Variants in CCSER1 observed in about 807,000 individuals in gnomAD.
The protein encoded by CCSER1 is coiled-coil serine rich protein 1.
A neutral mutation model predicts 82.0 loss-of-function variants in CCSER1; 41 were observed. The observed-to-expected ratio is 0.50, with a 90% CI of 0.39 to 0.65. The LOEUF (loss-of-function observed/expected upper bound fraction) is 0.65. Among genes scored for constraint, CCSER1 ranks in the 30% least tolerant of loss-of-function variants. The pLI is 0.00. For synonymous variants in CCSER1, 414 were observed against 383.9 expected, an observed-to-expected ratio of 1.08 and a Z score of -0.92; for missense variants, 1,119 against 1,064.2, an observed-to-expected ratio of 1.05 and a Z score of -0.72.
At chr4:91,100,259 C>T (rs1037789777) in intron 10 of CCSER1, among the ~76,000 whole-genome samples, 4 of 151,978 alleles carry the variant, frequency 2.6e-5, no homozygotes, top group Admixed American at 2.6e-4. Context: ...ATTACAAGAC[C>T]ATAATAATTG....
chr4:91,483,897 TAG>T (rs1228612604), intron 10 of CCSER1, among the ~76,000 whole-genome samples: 1 of 152,154 alleles, frequency 6.6e-6, no homozygotes, highest in Non-Finnish European at 1.5e-5. Flanking sequence ...TTTAAATGAA[TAG>T]AGTTGCTTTC....
intron 10 of CCSER1, among the ~76,000 whole-genome samples, chr4:91,596,714 T>A (rs992706286): frequency 6.6e-6 from 1 of 152,098 alleles, no homozygotes; most frequent in Non-Finnish European, 1.5e-5. Context: ...AGTCTTACAA[T>A]GTTTCCTTTC....
At chr4:90,276,251 T>TTTCTTTCTTCCCTTCC (rs1727659770) in intron 1 of CCSER1, among the ~76,000 whole-genome samples, 23 of 76,826 alleles carry the variant, frequency 3.0e-4, no homozygotes, top group African/African-American at 1.2e-3. Flanking sequence ...TCTTTCTTTC[T>TTTCTTTCTTCCCTTCC]TTCCTTCCTT....
At chr4:90,415,871 C>T (rs1246134655) in intron 4 of CCSER1, among the ~76,000 whole-genome samples, 2 of 152,122 alleles carry the variant, frequency 1.3e-5, no homozygotes, top group East Asian at 3.8e-4. Flanking sequence ...TTTAGTGTTA[C>T]CCATTTGGAG....
At chr4:90,667,718 A>G (rs569104025) in intron 6 of CCSER1, among the ~76,000 whole-genome samples, 1 of 152,224 alleles carries the variant, frequency 6.6e-6, no homozygotes, top group East Asian at 1.9e-4. Context: ...TATATGTGCC[A>G]CGTTTTCTTT....
At chr4:91,140,776 T>A (rs10004825) in intron 10 of CCSER1, among the ~76,000 whole-genome samples, 1 of 151,882 alleles carries the variant, frequency 6.6e-6, no homozygotes, top group Non-Finnish European at 1.5e-5. Context: ...GACATCTGAT[T>A]CAGTTTTCTT....
intron 8 of CCSER1, among the ~76,000 whole-genome samples, chr4:90,849,790 T>TAAA (rs750879193): frequency 2.7e-4 from 21 of 76,708 alleles, no homozygotes; most frequent in East Asian, 4.1e-4. Context: ...CTCCATCTCA[T>TAAA]AAAAAAAAAA....
At chr4:91,090,781 G>A (rs1055687365) in intron 10 of CCSER1, among the ~76,000 whole-genome samples, 6 of 152,124 alleles carry the variant, frequency 3.9e-5, no homozygotes, top group East Asian at 1.9e-4. Flanking sequence ...GGCACATTTA[G>A]TTCATCATAG....
chr4:90,358,826 T>C (rs1366581342), intron 3 of CCSER1, among the ~76,000 whole-genome samples: 2 of 152,166 alleles, frequency 1.3e-5, no homozygotes, highest in Admixed American at 1.3e-4. Context: ...GGGATGCCAG[T>C]TATGAATGCT....
intron 9 of CCSER1, among the ~76,000 whole-genome samples, chr4:90,952,593 CTCATAGAA>C (rs1300217259): frequency 2.0e-5 from 3 of 152,002 alleles, no homozygotes; most frequent in African/African-American, 7.2e-5. Context: ...TGTTTACTAT[CTCATAGAA>C]TTCCTTTTTT....
At chr4:90,897,610 T>C (rs1723911925) in intron 8 of CCSER1, among the ~76,000 whole-genome samples, 2 of 152,106 alleles carry the variant, frequency 1.3e-5, no homozygotes, top group Non-Finnish European at 2.9e-5. Context: ...AGAGTGCAAG[T>C]GTCTTTTTGA....
intron 9 of CCSER1, among the ~76,000 whole-genome samples, chr4:90,932,976 A>AAGAAAGAAAGAAAGAAAGAG (rs1730206083): frequency 2.6e-5 from 1 of 38,690 alleles, no homozygotes; most frequent in Admixed American, 2.5e-4. Context: ...GAAAGAAAGA[A>AAGAAAGAAAGAAAGAAAGAG]AGAAAGAGAA....
At chr4:90,386,408 C>A (rs1750059592) in intron 3 of CCSER1, among the ~76,000 whole-genome samples, 1 of 151,982 alleles carries the variant, frequency 6.6e-6, no homozygotes, top group Non-Finnish European at 1.5e-5. Context: ...AGAGGACACC[C>A]TATTCAGTAA....
intron 5 of CCSER1, among the ~76,000 whole-genome samples, chr4:90,570,005 C>T (rs945710684): frequency 3.3e-5 from 5 of 152,168 alleles, no homozygotes; most frequent in South Asian, 2.1e-4. Context: ...GACAAACCCA[C>T]GGGTATGGTC....
At chr4:91,015,593 AT>A (rs1389383192) in intron 9 of CCSER1, 2 of 151,816 alleles carry the variant, frequency 1.3e-5, no homozygotes, top group Non-Finnish European at 2.9e-5. Flanking sequence ...TAGTTGCTTT[AT>A]TATTATGTAA....
At chr4:91,534,699 AT>A (rs1206573205) in intron 10 of CCSER1, among the ~76,000 whole-genome samples, 1 of 151,954 alleles carries the variant, frequency 6.6e-6, no homozygotes, top group African/African-American at 2.4e-5. Flanking sequence ...TATTAATTCA[AT>A]TTTTATGTGT....
intron 3 of CCSER1, among the ~76,000 whole-genome samples, chr4:90,388,020 A>G (rs535237445): frequency 4.6e-5 from 7 of 152,320 alleles, no homozygotes; most frequent in African/African-American, 1.7e-4. Context: ...GAGTTTGGCT[A>G]TCTCTTGCTA....
chr4:90,831,309 T>G (rs1047622042), intron 8 of CCSER1, among the ~76,000 whole-genome samples: 3 of 152,208 alleles, frequency 2.0e-5, no homozygotes, highest in Admixed American at 1.3e-4. Context: ...AGGTACTGTA[T>G]TCATTATTTT....
chr4:91,028,755 A>G (rs1740713656), intron 9 of CCSER1, among the ~76,000 whole-genome samples: 1 of 151,976 alleles, frequency 6.6e-6, no homozygotes, highest in South Asian at 2.1e-4. Flanking sequence ...TGGTGAATAT[A>G]ATAAGCATGA....
Sources: allele counts gnomAD v4.1 joint callset (sites outside exome capture counted in the v4.1 genomes callset), GRCh38; gene constraint gnomAD v4.1.1; transcripts MANE v1.5; gene names NCBI Gene and HGNC (gene_info 2026-07-23, HGNC 2026-07-21).